LRP11: variants seen among roughly 807,000 people sequenced by gnomAD.
LRP11 encodes the protein low-density lipoprotein receptor-related protein 11.
A neutral mutation model predicts 43.1 loss-of-function variants in LRP11; 25 were observed. The ratio of observed to expected loss-of-function variants is 0.58; its 90% CI spans 0.42 to 0.81. The LOEUF (loss-of-function observed/expected upper bound fraction) is 0.81, where lower values mean the gene tolerates loss of function less well. Among genes scored for constraint, LRP11 ranks in the 30% least tolerant of loss-of-function variants. LRP11 has a pLI of 0.00. For synonymous variants in LRP11, 316 were observed against 299.4 expected, an observed-to-expected ratio of 1.06 and a Z score of -0.57; for missense variants, 623 against 665.1, an observed-to-expected ratio of 0.94 and a Z score of 0.70.
Position 149,863,639 on chromosome 6 carries a change from G to A in LRP11, c.382C>T (p.Arg128Trp), listed in dbSNP as rs1449896879. 9 of 1,470,782 alleles carry A rather than the reference G, an allele frequency of 6.1e-6. No homozygotes were observed. The South Asian group carries it at 7.7e-5, about 13-fold the overall frequency. The allele number at this position is 1,470,782 out of a possible 1,614,324, so 91.1% of individuals were successfully genotyped here. The part of the protein sequence containing the change: ...LRAPAAVRGW[R>W]QCVAACCSEP... ...GAGCAGCAGGCCGCCACGCATTGCC[G>A]CCAGCCCCGCACGGCCGCCGGCGCC... is the stretch of plus-strand genomic sequence containing the variant. Residue 128 changes from arginine to tryptophan, a missense_variant, in exon 1 of 7, where the codon CGG (arginine) becomes TGG (tryptophan). Arg to Trp is a moderately radical substitution (Grantham distance 101). Coordinates refer to ENST00000239367, the MANE Select transcript of LRP11 (RefSeq NM_032832.6).
Position 149,826,356 on chromosome 6 carries a change from C to T in LRP11, c.1256G>A (p.Ser419Asn), listed in dbSNP as rs751848745. Residue 419 changes from serine (S) to asparagine (N), a missense_variant, in exon 6 of 7, where the codon AGT (serine) becomes AAT (asparagine). Ser to Asn is a conservative substitution (Grantham distance 46, BLOSUM62 1). Transcript: ENST00000239367. ...TTTTCTGTTCTTCCCTGAGGAACTACTATCTGCAGAAAAGAAAGAGAACAT... is the reference window on the plus strand; with the variant it reads ...TTTTCTGTTCTTCCCTGAGGAACTATTATCTGCAGAAAAGAAAGAGAACAT... Reference protein sequence around the residue: ...ESQIIPVMPDSSSSGKNRKEE... With the variant: ...ESQIIPVMPDNSSSGKNRKEE... 6.2e-7 allele frequency: 1 copy of T among 1,605,778 alleles called. No individual in the cohort carries two copies. The highest frequency in any genetic ancestry group is 1.1e-5 in the South Asian group (1 of 90,840).
rs5880854 is a variant in LRP11, at chr6:149,832,191, CT to C, written c.1252+3893del. ...TTAACAAGTCTTCCATGAGCTAAGT[CT>C]TTTTTTTTTTTTTTTTTGAGACTGA... On this transcript the variant is annotated intron_variant, in intron 5 of 6. Coordinates refer to ENST00000239367, the MANE Select transcript of LRP11 (RefSeq NM_032832.6). Among the ~76,000 whole-genome samples, 374 of 130,086 alleles carry C rather than the reference CT, an allele frequency of 2.9e-3. 3 individuals carry two copies. The highest frequency in any genetic ancestry group is 7.8e-3 in the Middle Eastern group (2 of 256). The allele number at this position is 130,086 out of a possible 152,430, so 85.3% of individuals were successfully genotyped here.
intron 2 of LRP11, among the ~76,000 whole-genome samples, chr6:149,844,017 G>T (rs988910639): frequency 2.0e-5 from 3 of 152,196 alleles, no homozygotes; most frequent in Non-Finnish European, 4.4e-5. Context: ...CACTTTGGGA[G>T]GCCAAGGCGG....
rs1451579549 is a variant in LRP11, at chr6:149,819,302, C to T, written c.*1247G>A. On this transcript the variant is annotated 3_prime_UTR_variant, in exon 7 of 7. Coordinates refer to ENST00000239367, the MANE Select transcript of LRP11 (RefSeq NM_032832.6). ...TTCAAATATTTTAAAATATTTGCCA[C>T]TTATGGTTAAAAAAAACGTGAATAA... is the stretch of plus-strand genomic sequence containing the variant. 1.3e-5 allele frequency: 2 copies of T among 151,902 alleles called. No homozygotes were observed. Among genetic ancestry groups the T allele is most frequent in the Non-Finnish European group, 2.9e-5 (2 of 68,020 alleles). The allele number at this position is 151,902 out of a possible 1,614,324, so 9.4% of individuals were successfully genotyped here.
Position 149,853,667 on chromosome 6 carries a change from C to A in LRP11, c.614-507G>T, listed in dbSNP as rs1050455505. 5.9e-5 allele frequency among the ~76,000 whole-genome samples: 9 copies of A among 152,132 alleles called. No homozygotes were observed. The East Asian group carries it at 1.7e-3, about 29-fold the overall frequency. The stretch of plus-strand genomic sequence containing the variant: ...GGATTACATGTGTGTGCCACCACAT[C>A]CTGCTAATTGTTTTTTGTATTTTTA... On this transcript the variant is annotated intron_variant, in intron 1 of 6. Transcript: ENST00000239367.
At chr6:149,850,957 TG>T (rs1433744541) in intron 2 of LRP11, among the ~76,000 whole-genome samples, 2 of 152,240 alleles carry the variant, frequency 1.3e-5, no homozygotes, top group African/African-American at 4.8e-5. Context: ...CTAAGCTGCC[TG>T]GCACTCAGTG....
chr6:149,856,881 G>A lies in LRP11; in HGVS notation c.614-3721C>T, dbSNP rs566798073. 1.2e-4 allele frequency among the ~76,000 whole-genome samples: 19 copies of A among 152,252 alleles called. No individual in the cohort carries two copies. The South Asian group carries it at 1.9e-3, about 15-fold the overall frequency. On this transcript the variant is annotated intron_variant, in intron 1 of 6. Coordinates refer to ENST00000239367, the MANE Select transcript of LRP11 (RefSeq NM_032832.6). ...GGAAAGAACCCTGAAGTCAGGGTAC[G>A]GAAGCGGGGCGAGACTAGGGGAAGA...
intron 2 of LRP11, among the ~76,000 whole-genome samples, chr6:149,849,679 G>A (rs1293168804): frequency 6.6e-6 from 1 of 152,134 alleles, no homozygotes; most frequent in East Asian, 1.9e-4. Context: ...GCTGCAGTGA[G>A]CTATGATTGT....
At chr6:149,822,724 A>C (rs576238641) in intron 6 of LRP11, among the ~76,000 whole-genome samples, 3 of 152,302 alleles carry the variant, frequency 2.0e-5, no homozygotes, top group Middle Eastern at 3.4e-3. Flanking sequence ...ACTATGATAG[A>C]ATTATAGATG....
chr6:149,837,850 G>A (rs1776493796), intron 3 of LRP11, among the ~76,000 whole-genome samples: 1 of 152,138 alleles, frequency 6.6e-6, no homozygotes, highest in East Asian at 1.9e-4. Context: ...TGCTCTGCAG[G>A]AGGGCACCTA....
rs2115413263 is a variant in LRP11, at chr6:149,854,187, G to A, written c.614-1027C>T. The stretch of plus-strand genomic sequence containing the variant: ...TCACCCAGGCTGGTGCACGATCATA[G>A]CTCACTCACTGTAGCCTCCAACTCC... On this transcript the variant is annotated intron_variant, in intron 1 of 6. Transcript: ENST00000239367. Among the ~76,000 whole-genome samples the A allele has an allele frequency of 1.3e-5, 2 of 152,258 alleles. 1 individual carries two copies. Among genetic ancestry groups the A allele is most frequent in the Middle Eastern group, 6.8e-3 (2 of 292 alleles).
intron 5 of LRP11, among the ~76,000 whole-genome samples, chr6:149,828,867 A>G (rs1240642916): frequency 1.3e-5 from 2 of 152,126 alleles, no homozygotes; most frequent in East Asian, 3.9e-4. Context: ...GACTCCAGTG[A>G]ATGTTCCTGA....
intron 6 of LRP11, among the ~76,000 whole-genome samples, chr6:149,822,075 C>T (rs530824093): frequency 5.9e-4 from 90 of 152,268 alleles, no homozygotes; most frequent in Admixed American, 9.2e-4. Flanking sequence ...GGGCCAGGCA[C>T]GGTGGCTCAG....
At chr6:149,859,396 A>ATATATATATATATATATTTTT in intron 1 of LRP11, among the ~76,000 whole-genome samples, 5 of 71,496 alleles carry the variant, frequency 7.0e-5, no homozygotes, top group Admixed American at 1.7e-4. Context: ...ATATATATAT[A>ATATATATATATATATATTTTT]TTTTTTTTTT....
chr6:149,842,698 A>C (rs752373194), intron 3 of LRP11: 143 of 1,549,996 alleles, frequency 9.2e-5, no homozygotes, highest in Middle Eastern at 1.7e-4. Context: ...GTCCTCTCCC[A>C]GAATAGCCAA....
At chr6:149,848,805 G>C (rs548864968) in intron 2 of LRP11, among the ~76,000 whole-genome samples, 1 of 151,890 alleles carries the variant, frequency 6.6e-6, no homozygotes, top group East Asian at 1.9e-4. Context: ...CCCAGGTGAG[G>C]ATATAATCTG....
intron 3 of LRP11, chr6:149,842,702 T>C (rs1776567023): frequency 6.5e-7 from 1 of 1,549,754 alleles, no homozygotes; most frequent in South Asian, 1.2e-5. Context: ...TCTCCCAGAA[T>C]AGCCAAGCAA....
At position 149,820,573 on chromosome 6, in the gene LRP11, G is replaced by A. The variant is rs369856176; in HGVS notation, c.1479C>T (p.Tyr493=). The A allele has an allele frequency of 1.3e-6, 1 of 780,920 alleles. No individual in the cohort carries two copies. The allele number at this position is 780,920 out of a possible 1,614,324, so 48.4% of individuals were successfully genotyped here. A position where few individuals can be genotyped will look rare whatever the true frequency, so the allele number is the denominator to read the frequency against. The part of the protein sequence containing the change: ...ARPITSEESD[Y]LINGMYL ...ACTATAGATACATCCCATTTATGAG[G>A]TAGTCCGATTCCTCAGATGTAATGG... Residue 493 remains tyrosine (Y), a synonymous_variant, in exon 7 of 7, where the codon TAC becomes TAT. Transcript: ENST00000239367.
At chr6:149,824,950 G>A (rs116521186) in intron 6 of LRP11, among the ~76,000 whole-genome samples, 1 of 152,304 alleles carries the variant, frequency 6.6e-6, no homozygotes, top group African/African-American at 2.4e-5. Context: ...TGTGTGGGGA[G>A]GCAAGAGGCA....
Sources: allele counts gnomAD v4.1 joint callset (sites outside exome capture counted in the v4.1 genomes callset), GRCh38; gene constraint gnomAD v4.1.1; transcripts MANE v1.5; gene names NCBI Gene and HGNC (gene_info 2026-07-23, HGNC 2026-07-21).